The following SEZ6 variants were observed in gnomAD, a reference collection of about 807,000 sequenced individuals.
The protein encoded by SEZ6 is seizure protein 6 homolog.
A neutral mutation model predicts 101.0 loss-of-function variants in SEZ6; 53 were observed. The observed-to-expected ratio is 0.52, with a 90% CI of 0.42 to 0.66. SEZ6 has a LOEUF of 0.66. SEZ6 is among the 30% of genes least tolerant of loss of function. SEZ6 has a pLI of 0.00. For missense variants in SEZ6, 1,102 were observed against 1,289.4 expected (o/e 0.85, Z 2.23); for synonymous variants, 488 against 512.2 (o/e 0.95, Z 0.64).
intron 3 of SEZ6, among the ~76,000 whole-genome samples, chr17:28,979,191 G>A (rs1243990557): frequency 1.3e-5 from 2 of 152,074 alleles, no homozygotes; most frequent in East Asian, 3.8e-4. Context: ...GGGAGGCTGG[G>A]GACAGGAGGC....
intron 1 of SEZ6, among the ~76,000 whole-genome samples, chr17:29,000,056 AC>A (rs1195199046): frequency 6.6e-6 from 1 of 152,210 alleles, no homozygotes; most frequent in Non-Finnish European, 1.5e-5. Flanking sequence ...GCAGATAATA[AC>A]TTCTATCTCA....
chr17:28,966,630 G>A (rs778037462), intron 4 of SEZ6, among the ~76,000 whole-genome samples: 2 of 152,164 alleles, frequency 1.3e-5, no homozygotes, highest in Non-Finnish European at 2.9e-5. Flanking sequence ...GAAGATCTTG[G>A]GTCTTGGGGT....
intron 16 of SEZ6, 37 bp downstream of exon 16, chr17:28,956,122 T>TGCCAC: frequency 6.3e-7 from 1 of 1,599,722 alleles, no homozygotes; most frequent in Non-Finnish European, 8.5e-7. Context: ...AAGAACTGGG[T>TGCCAC]CTTGGATAGG....
chr17:28,980,515 A>G (rs2152689047), intron 2 of SEZ6, among the ~76,000 whole-genome samples: 1 of 150,942 alleles, frequency 6.6e-6, no homozygotes, highest in Non-Finnish European at 1.5e-5. Flanking sequence ...GACTACGGGC[A>G]CCCCCCACTA....
In SEZ6 at chr17:28,964,063, C is replaced by T. The variant is rs769303379; in HGVS notation, c.1139G>A (p.Arg380His). Reference protein sequence around the residue: ...VTSLHPGGSARFHCATGYQLK... With the variant: ...VTSLHPGGSAHFHCATGYQLK... ...CTGGTAGCCAGTGGCACAATGGAAG[C>T]GGGCACTACCCCCTGGGTGGAGGCT... Residue 380 changes from arginine (R) to histidine (H), a missense_variant, in exon 5 of 17, where the codon CGC (arginine) becomes CAC (histidine). Physicochemically the swap from Arg to His is conservative, Grantham distance 29. Coordinates refer to ENST00000317338, the MANE Select transcript of SEZ6 (RefSeq NM_178860.5). 4.5e-5 allele frequency: 72 copies of T among 1,609,306 alleles called. No homozygotes were observed. The highest frequency in any genetic ancestry group is 4.8e-5 in the Non-Finnish European group (56 of 1,177,870).
At chr17:28,979,044 A>T (rs1386322969) in intron 3 of SEZ6, among the ~76,000 whole-genome samples, 2 of 152,000 alleles carry the variant, frequency 1.3e-5, no homozygotes, top group East Asian at 3.9e-4. Context: ...CCTGGACAGG[A>T]GTGGCTTTGG....
intron 1 of SEZ6, among the ~76,000 whole-genome samples, chr17:29,003,856 C>T (rs1421942951): frequency 6.6e-6 from 1 of 151,798 alleles, no homozygotes; most frequent in African/African-American, 2.4e-5. Flanking sequence ...CAGGTGCCTC[C>T]ATGGGCACTG....
At chr17:28,956,860 C>G in intron 13 of SEZ6, 103 bp from the exon 14 acceptor site, 1 of 1,437,978 alleles carries the variant, frequency 7.0e-7, no homozygotes, top group Non-Finnish European at 9.5e-7. Context: ...AGGATTTGTC[C>G]AAGGAGAGGC....
chr17:28,969,439 A>T (rs2041118157), intron 4 of SEZ6, among the ~76,000 whole-genome samples: 1 of 152,206 alleles, frequency 6.6e-6, no homozygotes, highest in Non-Finnish European at 1.5e-5. Flanking sequence ...GTCCAGCACA[A>T]GCCTGGCAAA....
chr17:28,990,726 T>A (rs1006353510), intron 1 of SEZ6, among the ~76,000 whole-genome samples: 5 of 151,258 alleles, frequency 3.3e-5, no homozygotes, highest in Non-Finnish European at 5.9e-5. Flanking sequence ...ATTCCCCATC[T>A]CCCGGCTATA....
At chr17:28,989,933 G>A (rs138304097) in intron 1 of SEZ6, among the ~76,000 whole-genome samples, 1,559 of 152,240 alleles carry the variant, frequency 0.01, 22 homozygotes, top group African/African-American at 0.033. Context: ...TTAGCTGGGC[G>A]TGGTGGTGCA....
intron 3 of SEZ6, among the ~76,000 whole-genome samples, chr17:28,976,600 C>T (rs2041224593): frequency 6.6e-6 from 1 of 152,178 alleles, no homozygotes; most frequent in Admixed American, 6.5e-5. Context: ...CTCTGTAGGC[C>T]TTCCAGCTGC....
chr17:28,991,399 T>TTTC, intron 1 of SEZ6, among the ~76,000 whole-genome samples: 1 of 152,046 alleles, frequency 6.6e-6, no homozygotes, highest in African/African-American at 2.4e-5. Flanking sequence ...AGAGACAGGG[T>TTTC]TTCACCATGT....
At chr17:28,958,177 C>T (rs371957694) in intron 10 of SEZ6, 36 bp from the exon 11 acceptor site, 41 of 1,558,814 alleles carry the variant, frequency 2.6e-5, no homozygotes, top group Non-Finnish European at 3.5e-5. Context: ...AGGCCCTCGG[C>T]CAGCACCAAA....
At position 28,956,222 on chromosome 17, in the gene SEZ6, G is replaced by A; in HGVS notation, c.2889C>T (p.Arg963=). 1.9e-6 allele frequency: 1 copy of A among 523,940 alleles called. No individual in the cohort carries two copies. Among genetic ancestry groups the A allele is most frequent in the Non-Finnish European group, 3.8e-6 (1 of 264,540 alleles). 32.5% of individuals were successfully genotyped at this position (523,940 alleles called of 1,614,324 possible). A position where few individuals can be genotyped will look rare whatever the true frequency, so the allele number is the denominator to read the frequency against. Residue 963 remains arginine, a synonymous_variant, in exon 16 of 17, where the codon CGC becomes CGT. Transcript: ENST00000317338. ...TGGTAATGCGGTTGTAGGGGCGGGG[G>A]CGGGGGCGGGGCAGCTGCAGGGAGC... ...GKSSLQLPRP[R]PRPYNRITIE...
At chr17:28,982,587 A>G (rs1013998808) in intron 1 of SEZ6, among the ~76,000 whole-genome samples, 4 of 152,220 alleles carry the variant, frequency 2.6e-5, no homozygotes, top group African/African-American at 9.7e-5. Context: ...GCTGGTCATT[A>G]GCCTCAGGAA....
chr17:28,972,792 G>A (rs960860669), intron 3 of SEZ6, among the ~76,000 whole-genome samples: 2 of 152,318 alleles, frequency 1.3e-5, no homozygotes, highest in African/African-American at 4.8e-5. Flanking sequence ...AAGTGGCACT[G>A]AATGCAGGCA....
At position 28,959,330 on chromosome 17, in the gene SEZ6, T is replaced by C; in HGVS notation, c.1910+4A>G. ...TGGCTCGGCCTGACCCGGTAGGCAC[T>C]CACACTCGGATGTCCAGCATGATGC... On this transcript the variant is annotated splice_donor_region_variant and intron_variant, in intron 9 of 16. Transcript: ENST00000317338. This position sits in a 1 kb window ranked among gnomAD's most constrained non-coding sequence, Gnocchi z 4.4. The C allele has an allele frequency of 8.1e-6, 13 of 1,613,490 alleles. No individual in the cohort carries two copies. The highest frequency in any genetic ancestry group is 1.1e-5 in the Non-Finnish European group (13 of 1,179,750).
intron 1 of SEZ6, among the ~76,000 whole-genome samples, chr17:28,992,095 C>T (rs1477099434): frequency 6.6e-6 from 1 of 152,226 alleles, no homozygotes; most frequent in Non-Finnish European, 1.5e-5. Context: ...ACAGGAGAGG[C>T]ACTCACATTT....
Sources: gnomAD v4.1 joint callset for allele counts (sites outside exome capture counted in the v4.1 genomes callset) on GRCh38, gnomAD v4.1.1 for gene constraint, Gnocchi (gnomAD v3.1) non-coding constraint, MANE v1.5 for transcripts, NCBI Gene and HGNC (gene_info 2026-07-23, HGNC 2026-07-21) for gene names.